HEPACAM2: variants seen among roughly 807,000 people sequenced by gnomAD.
The protein encoded by HEPACAM2 is mitotic kinetics regulator.
In HEPACAM2, 49 loss-of-function variants were observed where a neutral mutation model predicts 49.6. That is an observed-to-expected ratio of 0.99 (90% CI 0.78 to 1.25). The LOEUF (loss-of-function observed/expected upper bound fraction) is 1.25, where lower values mean the gene tolerates loss of function less well. Ranked by LOEUF, HEPACAM2 falls within the 50% of genes most tolerant of loss-of-function variation. The pLI, the probability that HEPACAM2 is intolerant of heterozygous loss-of-function variation, is 0.00. For synonymous variants in HEPACAM2, 197 were observed against 202.9 expected (o/e 0.97, Z 0.25); for missense variants, 525 against 557.2 (o/e 0.94, Z 0.58).
intron 8 of HEPACAM2, among the ~76,000 whole-genome samples, chr7:93,194,789 G>A (rs1231014095): frequency 6.6e-6 from 1 of 152,006 alleles, no homozygotes; most frequent in East Asian, 1.9e-4. Flanking sequence ...TTCCTCAAAT[G>A]GACTCTCATA....
At chr7:93,200,548 TAA>T (rs1793856279) in intron 4 of HEPACAM2, among the ~76,000 whole-genome samples, 1 of 152,118 alleles carries the variant, frequency 6.6e-6, no homozygotes, top group Non-Finnish European at 1.5e-5. Flanking sequence ...TAAAGATTAA[TAA>T]AACAAGTAAG....
chr7:93,228,818 C>T (rs533007983), upstream of HEPACAM2, among the ~76,000 whole-genome samples: 2 of 152,098 alleles, frequency 1.3e-5, no homozygotes, highest in Non-Finnish European at 2.9e-5. Flanking sequence ...TGTGTGTCCA[C>T]GTGCATTTAC....
chr7:93,210,069 C>T (rs1344023313), intron 3 of HEPACAM2, among the ~76,000 whole-genome samples: 1 of 151,904 alleles, frequency 6.6e-6, no homozygotes, highest in Non-Finnish European at 1.5e-5. Flanking sequence ...TAGGTGAAGA[C>T]ACTTTTCCCA....
chr7:93,208,489 T>A (rs1367428570), intron 4 of HEPACAM2, 91 bp downstream of exon 4: 1 of 1,072,446 alleles, frequency 9.3e-7, no homozygotes, highest in African/African-American at 1.6e-5. Context: ...CACAATGATT[T>A]TCTTTTCTAC....
chr7:93,219,764 T>G (rs548041263), intron 1 of HEPACAM2, among the ~76,000 whole-genome samples: 1 of 152,184 alleles, frequency 6.6e-6, no homozygotes, highest in Non-Finnish European at 1.5e-5. Context: ...TAAAGTCCAA[T>G]GAAACCATTA....
At position 93,197,553 on chromosome 7, in the gene HEPACAM2, C is replaced by T. The variant is rs746063573; in HGVS notation, c.1070G>A (p.Gly357Glu). Residue 357 changes from glycine (G) to glutamate (E), a missense_variant, in exon 5 of 10, where the codon GGA becomes GAA. By Grantham distance (98) the Gly-to-Glu change is moderately conservative. Transcript: ENST00000394468. ...KSLSPLASIT[G>E]ISLFLIISMC... Reference sequence around the variant, plus strand: ...GGATATAATCAAAAATAGTGATATTCCAGTTATACTTGCTAAAGGTGACAA... The same window carrying T: ...GGATATAATCAAAAATAGTGATATTTCAGTTATACTTGCTAAAGGTGACAA... 1.9e-6 allele frequency: 3 copies of T among 1,595,910 alleles called. No individual in the cohort carries two copies. The highest frequency in any genetic ancestry group is 1.1e-5 in the South Asian group (1 of 89,936).
chr7:93,203,265 A>G (rs1291557352), intron 4 of HEPACAM2, among the ~76,000 whole-genome samples: 1 of 152,162 alleles, frequency 6.6e-6, no homozygotes, highest in East Asian at 1.9e-4. Context: ...CCTCTATCCC[A>G]GAACACACAA....
intron 1 of HEPACAM2, among the ~76,000 whole-genome samples, chr7:93,220,391 T>G (rs1794424543): frequency 6.6e-6 from 1 of 152,096 alleles, no homozygotes. Context: ...AGGCTGATTG[T>G]GACAAAAGGA....
At chr7:93,218,116 G>T (rs989564319) in intron 2 of HEPACAM2, among the ~76,000 whole-genome samples, 1 of 152,102 alleles carries the variant, frequency 6.6e-6, no homozygotes. Flanking sequence ...ATGAAGGCCA[G>T]CATGGCCAGA....
intron 8 of HEPACAM2, 150 bp downstream of exon 8, chr7:93,195,678 A>G (rs573642134): frequency 9.8e-5 from 62 of 635,426 alleles, no homozygotes; most frequent in Non-Finnish European, 1.5e-4. Context: ...TGGCAATGCC[A>G]TTCATTACGG....
intron 4 of HEPACAM2, among the ~76,000 whole-genome samples, chr7:93,206,691 A>T (rs905512787): frequency 1.3e-5 from 2 of 149,924 alleles, no homozygotes; most frequent in South Asian, 2.1e-4. Context: ...TTAAGTGCTC[A>T]ATGTGTTAAG....
intron 4 of HEPACAM2, among the ~76,000 whole-genome samples, chr7:93,206,002 C>T (rs1328553390): frequency 6.6e-6 from 1 of 152,050 alleles, no homozygotes; most frequent in Non-Finnish European, 1.5e-5. Flanking sequence ...GACGTTAAGA[C>T]TGTAGCTGTC....
At chr7:93,219,812 A>G (rs1245531737) in intron 1 of HEPACAM2, among the ~76,000 whole-genome samples, 1 of 152,256 alleles carries the variant, frequency 6.6e-6, no homozygotes, top group East Asian at 1.9e-4. Flanking sequence ...TGTCTGTCAT[A>G]TCATATCATA....
chr7:93,220,885 G>T (rs1794435787), intron 1 of HEPACAM2, among the ~76,000 whole-genome samples: 1 of 152,164 alleles, frequency 6.6e-6, no homozygotes, highest in Admixed American at 6.5e-5. Context: ...GAAGCTCTTT[G>T]CTTCAAAATC....
chr7:93,197,500 A>G lies in HEPACAM2; in HGVS notation c.1123T>C (p.Tyr375His), dbSNP rs758131258. 8.8e-6 allele frequency: 14 copies of G among 1,594,788 alleles called. 1 individual carries two copies. The South Asian group carries it at 1.6e-4, about 18-fold the overall frequency. ...TTTAACCTACCTTTGTAGGGTTGATATTTTTTCCATAGGAAGAGAAGACAC... is the reference window on the plus strand; with the variant it reads ...TTTAACCTACCTTTGTAGGGTTGATGTTTTTTCCATAGGAAGAGAAGACAC... ...SMCLLFLWKK[Y>H]QPYKVIKQKL... The change falls in exon 5 of 10, where the codon TAT becomes CAT. Residue 375 changes from tyrosine (Y) to histidine (H), a missense_variant. Coordinates refer to ENST00000394468, the MANE Select transcript of HEPACAM2 (RefSeq NM_001039372.4).
At position 93,221,531 on chromosome 7, in the gene HEPACAM2, T is replaced by C. The variant is rs1297249847; in HGVS notation, c.80-2080A>G. ...CCAACAGTAAATTTATCTCCTTCCT[T>C]CCCAGAGTGGAGGTAGAAGCAAAGA... On this transcript the variant is annotated intron_variant, in intron 1 of 9. Transcript: ENST00000394468. 2.6e-5 allele frequency among the ~76,000 whole-genome samples: 4 copies of C among 152,150 alleles called. No homozygotes were observed. In the East Asian group the frequency reaches 7.7e-4, roughly 29 times the overall value.
chr7:93,203,022 A>C (rs1793935358), intron 4 of HEPACAM2, among the ~76,000 whole-genome samples: 1 of 152,014 alleles, frequency 6.6e-6, no homozygotes, highest in African/African-American at 2.4e-5. Context: ...TTATTTCTTT[A>C]GGCTCCTTCC....
At chr7:93,229,722 T>G (rs1349501014), upstream of HEPACAM2, among the ~76,000 whole-genome samples, 1 of 152,192 alleles carries the variant, frequency 6.6e-6, no homozygotes, top group Non-Finnish European at 1.5e-5. Context: ...CACTGGACTA[T>G]CACTAACAAC....
At chr7:93,192,637 A>G (rs966084644) in intron 8 of HEPACAM2, among the ~76,000 whole-genome samples, 2 of 152,096 alleles carry the variant, frequency 1.3e-5, no homozygotes, top group African/African-American at 4.8e-5. Flanking sequence ...AGTACTGTAA[A>G]GGAAATATTA....
Sources: allele counts gnomAD v4.1 joint callset (sites outside exome capture counted in the v4.1 genomes callset), GRCh38; gene constraint gnomAD v4.1.1; transcripts MANE v1.5; gene names NCBI Gene and HGNC (gene_info 2026-07-23, HGNC 2026-07-21).